The following PPP1CB variants were observed in gnomAD, a reference collection of about 807,000 sequenced individuals.
PPP1CB encodes the protein serine/threonine-protein phosphatase PP1-beta catalytic subunit.
PPP1CB carries 2 observed loss-of-function variants against 43.7 expected under a neutral mutation model. The ratio of observed to expected loss-of-function variants is 0.05; its 90% CI spans 0.02 to 0.14. The LOEUF (loss-of-function observed/expected upper bound fraction) is 0.14. Among genes scored for constraint, PPP1CB ranks in the 10% least tolerant of loss-of-function variants. PPP1CB has a pLI of 1.00. For missense variants in PPP1CB, 84 were observed against 398.0 expected (o/e 0.21, Z 6.71); for synonymous variants, 136 against 135.6 (o/e 1.00, Z -0.02).
chr2:28,793,122 C>T (rs1055738083), intron 6 of PPP1CB, among the ~76,000 whole-genome samples: 1 of 152,108 alleles, frequency 6.6e-6, no homozygotes, highest in Non-Finnish European at 1.5e-5. Context: ...AGGAGAATGG[C>T]TTGATCTGGG....
chr2:28,775,054 GC>G (rs1167611227), intron 1 of PPP1CB, among the ~76,000 whole-genome samples: 7 of 150,408 alleles, frequency 4.7e-5, no homozygotes, highest in African/African-American at 1.7e-4. Flanking sequence ...TTTTTTTAAA[GC>G]CTCTTATTGA....
chr2:28,762,994 A>G (rs1248200111), intron 1 of PPP1CB, among the ~76,000 whole-genome samples: 1 of 152,230 alleles, frequency 6.6e-6, no homozygotes, highest in African/African-American at 2.4e-5. Context: ...TTGAAATGAC[A>G]GGGTCACTTT....
chr2:28,770,180 T>G (rs1482209416), intron 1 of PPP1CB, among the ~76,000 whole-genome samples: 2 of 152,058 alleles, frequency 1.3e-5, no homozygotes, highest in East Asian at 1.9e-4. Flanking sequence ...GGAGAATCGC[T>G]TGAATCTGGG....
intron 7 of PPP1CB, among the ~76,000 whole-genome samples, chr2:28,795,019 G>C (rs1384292182): frequency 6.6e-6 from 1 of 152,034 alleles, no homozygotes; most frequent in African/African-American, 2.4e-5. Flanking sequence ...GTAGTCCCCA[G>C]TGTCTATTGT....
chr2:28,776,580 T>G, intron 1 of PPP1CB, among the ~76,000 whole-genome samples: 1 of 152,130 alleles, frequency 6.6e-6, no homozygotes, highest in Non-Finnish European at 1.5e-5. Context: ...TTAAGTCTCT[T>G]TGGCTACTAG....
chr2:28,777,823 T>C (rs1667073680), intron 2 of PPP1CB, among the ~76,000 whole-genome samples: 1 of 152,190 alleles, frequency 6.6e-6, no homozygotes, highest in Non-Finnish European at 1.5e-5. Context: ...TAGCTGACTT[T>C]TTGTATTTTT....
intron 1 of PPP1CB, among the ~76,000 whole-genome samples, chr2:28,773,109 T>C (rs577243748): frequency 6.6e-6 from 1 of 152,320 alleles, no homozygotes; most frequent in South Asian, 2.1e-4. Flanking sequence ...TGTACCTTGA[T>C]CTGGATGATG....
At position 28,792,447 on chromosome 2, in the gene PPP1CB, A is replaced by T. The variant is rs562565674; in HGVS notation, c.745-1416A>T. Among the ~76,000 whole-genome samples the T allele has an allele frequency of 2.6e-5, 4 of 152,182 alleles. No homozygotes were observed. The East Asian group carries it at 7.7e-4, about 29-fold the overall frequency. ...GAGGTGGGAAGATCTCTTGAGCCCC[A>T]GGAAGTTGTGACTGCAGTAAGCCAA... is the stretch of plus-strand genomic sequence containing the variant. On this transcript the variant is annotated intron_variant, in intron 6 of 7. Coordinates refer to ENST00000395366, the MANE Select transcript of PPP1CB (RefSeq NM_002709.3).
chr2:28,761,647 C>T (rs1666656777), intron 1 of PPP1CB, among the ~76,000 whole-genome samples: 1 of 152,192 alleles, frequency 6.6e-6, no homozygotes, highest in South Asian at 2.1e-4. Flanking sequence ...ACTGTTTCCT[C>T]CACTTTCTGT....
intron 5 of PPP1CB, among the ~76,000 whole-genome samples, chr2:28,787,988 TA>T (rs1491013296): frequency 6.6e-6 from 1 of 150,962 alleles, no homozygotes; most frequent in African/African-American, 2.4e-5. Flanking sequence ...CTTCCACATT[TA>T]AAAAAAAATC....
intron 1 of PPP1CB, among the ~76,000 whole-genome samples, chr2:28,758,650 A>C (rs192588915): frequency 6.6e-6 from 1 of 152,338 alleles, no homozygotes; most frequent in Admixed American, 6.5e-5. Flanking sequence ...CTAGATGGGT[A>C]CTTGTCATAC....
chr2:28,781,978 G>A (rs1280696773), intron 4 of PPP1CB, 136 bp downstream of exon 4: 3 of 679,978 alleles, frequency 4.4e-6, no homozygotes, highest in East Asian at 2.7e-5. Flanking sequence ...TTTTAAACAT[G>A]GCTAAACCTC....
At chr2:28,784,010 G>C (rs1667209983) in intron 5 of PPP1CB, 32 bp downstream of exon 5, 18 of 1,510,896 alleles carry the variant, frequency 1.2e-5, no homozygotes, top group Non-Finnish European at 1.7e-5. Context: ...ATTGTTTTGT[G>C]TAAAGTGTTT....
chr2:28,761,552 C>A (rs1471425), intron 1 of PPP1CB, among the ~76,000 whole-genome samples: 20,741 of 152,138 alleles, frequency 0.14, 1,928 homozygotes, highest in African/African-American at 0.26. Context: ...CTAGGAAATA[C>A]TAACAGAGAG....
At chr2:28,757,777 C>G (rs922505918) in intron 1 of PPP1CB, among the ~76,000 whole-genome samples, 4 of 152,138 alleles carry the variant, frequency 2.6e-5, no homozygotes, top group Non-Finnish European at 5.9e-5. Context: ...GGGAAACTGA[C>G]AGTTTGAAGA....
chr2:28,788,924 C>G (rs1667330492), intron 6 of PPP1CB, 115 bp downstream of exon 6: 6 of 1,055,644 alleles, frequency 5.7e-6, no homozygotes, highest in Non-Finnish European at 7.9e-6. Context: ...ATGGCGCAAT[C>G]TCTGCTCACT....
chr2:28,794,817 G>A (rs1667464874), intron 7 of PPP1CB, among the ~76,000 whole-genome samples: 1 of 151,906 alleles, frequency 6.6e-6, no homozygotes, highest in Non-Finnish European at 1.5e-5. Context: ...CCATGTACGG[G>A]GGGTTGTTTG....
intron 1 of PPP1CB, among the ~76,000 whole-genome samples, chr2:28,775,050 T>A (rs1004716804): frequency 1.1e-4 from 16 of 152,008 alleles, no homozygotes; most frequent in East Asian, 5.8e-4. Context: ...TTTTTTTTTT[T>A]AAAGCCTCTT....
At chr2:28,770,145 C>T (rs1387620137) in intron 1 of PPP1CB, among the ~76,000 whole-genome samples, 1 of 152,058 alleles carries the variant, frequency 6.6e-6, no homozygotes, top group Admixed American at 6.6e-5. Flanking sequence ...TGCCTGTAAT[C>T]CCAGCTACTC....
Sources: allele counts gnomAD v4.1 joint callset (sites outside exome capture counted in the v4.1 genomes callset), GRCh38; gene constraint gnomAD v4.1.1; transcripts MANE v1.5; gene names NCBI Gene and HGNC (gene_info 2026-07-23, HGNC 2026-07-21).